Variants in MYOM2 observed in about 807,000 individuals in gnomAD.
The protein encoded by MYOM2 is myomesin-2.
MYOM2 carries 254 observed loss-of-function variants against 187.6 expected under a neutral mutation model. The observed-to-expected ratio is 1.35, with a 90% CI of 1.22 to 1.50. The LOEUF (loss-of-function observed/expected upper bound fraction) is 1.50. Ranked by LOEUF, MYOM2 falls within the 40% of genes most tolerant of loss-of-function variation. The pLI is 0.00. For synonymous variants in MYOM2, 981 were observed against 753.8 expected (o/e 1.30, Z -4.94); for missense variants, 2,796 against 1,924.0 (o/e 1.45, Z -8.48).
At chr8:2,134,897 T>G (rs73657747) in intron 32 of MYOM2, among the ~76,000 whole-genome samples, 19,773 of 152,040 alleles carry the variant, frequency 0.13, 2,185 homozygotes, top group African/African-American at 0.28. Context: ...TGGACAAAGG[T>G]TGGCATCAGA....
At chr8:2,060,355 C>T (rs920510088) in intron 6 of MYOM2, among the ~76,000 whole-genome samples, 1 of 152,088 alleles carries the variant, frequency 6.6e-6, no homozygotes, top group South Asian at 2.1e-4. Context: ...TTTATCTTCT[C>T]TATAGGACTA....
chr8:2,055,322 G>A (rs1234306424), intron 3 of MYOM2, among the ~76,000 whole-genome samples: 1 of 152,188 alleles, frequency 6.6e-6, no homozygotes, highest in Non-Finnish European at 1.5e-5. Flanking sequence ...GAGACCCACA[G>A]GGCTGTGATT....
At chr8:2,049,652 T>G (rs1818420300) in intron 1 of MYOM2, among the ~76,000 whole-genome samples, 1 of 152,186 alleles carries the variant, frequency 6.6e-6, no homozygotes, top group African/African-American at 2.4e-5. Flanking sequence ...TCCTCGTCAT[T>G]TAAACAGAAA....
chr8:2,117,484 T>C (rs1797287226), intron 27 of MYOM2, among the ~76,000 whole-genome samples: 1 of 152,234 alleles, frequency 6.6e-6, no homozygotes, highest in African/African-American at 2.4e-5. Context: ...TATTCTCTTA[T>C]TTAAAGGTAT....
intron 27 of MYOM2, 74 bp downstream of exon 27, chr8:2,116,349 C>A: frequency 1.4e-6 from 2 of 1,425,208 alleles, no homozygotes; most frequent in Non-Finnish European, 9.6e-7. Flanking sequence ...TTGTCAGAAG[C>A]AGATCTTGCA....
chr8:2,128,075 T>G, intron 31 of MYOM2, among the ~76,000 whole-genome samples: 1 of 152,288 alleles, frequency 6.6e-6, no homozygotes, highest in Admixed American at 6.5e-5. Flanking sequence ...AACATTCACT[T>G]TAAAAAATAA....
Position 2,085,481 on chromosome 8 carries a change from CCGCG to C in MYOM2, c.1644+92_1644+95del, listed in dbSNP as rs1563444227. 3.9e-4 allele frequency: 559 copies of C among 1,438,286 alleles called. 81 individuals are homozygous for C. Among genetic ancestry groups the C allele is most frequent in the South Asian group, 3.3e-3 (247 of 74,802 alleles). The allele number at this position is 1,438,286 out of a possible 1,614,324, so 89.1% of individuals were successfully genotyped here. ...GCGTGGCCCACCGCTGTCGTGATCT[CCGCG>C]TGGCCCCTCACTGTTGTGATCTCCG... On this transcript the variant is annotated intron_variant, in intron 14 of 36. Transcript: ENST00000262113.
intron 16 of MYOM2, 79 bp downstream of exon 16, chr8:2,092,599 G>A: frequency 6.8e-7 from 1 of 1,460,182 alleles, no homozygotes; most frequent in Non-Finnish European, 9.3e-7. Flanking sequence ...CCCTGGCACA[G>A]GGAGTACCAT....
chr8:2,141,771 G>T (rs1372880936), intron 34 of MYOM2, among the ~76,000 whole-genome samples: 1 of 152,142 alleles, frequency 6.6e-6, no homozygotes, highest in African/African-American at 2.4e-5. Context: ...GATGTTTTTG[G>T]GCTGGACTTA....
At chr8:2,071,658 G>A (rs930511058) in intron 8 of MYOM2, among the ~76,000 whole-genome samples, 1 of 152,174 alleles carries the variant, frequency 6.6e-6, no homozygotes, top group African/African-American at 2.4e-5. Flanking sequence ...TCGACTTTGT[G>A]ACATTTAATT....
intron 34 of MYOM2, among the ~76,000 whole-genome samples, chr8:2,141,759 C>T (rs950309389): frequency 6.6e-6 from 1 of 152,108 alleles, no homozygotes; most frequent in Non-Finnish European, 1.5e-5. Flanking sequence ...AGCCCTTAAG[C>T]TGATGTTTTT....
rs775590687 is a variant in MYOM2 at position 2,116,110 on chromosome 8, C to G, written c.3325+6C>G. ...TCTAGTTCTTATTGGAGATGGTATG[C>G]TATATCGAATATTTCCACGTCCATA... On this transcript the variant is annotated splice_donor_region_variant and intron_variant, in intron 26 of 36. Transcript: ENST00000262113. 8.3e-6 allele frequency: 13 copies of G among 1,570,882 alleles called. No individual in the cohort carries two copies. Among genetic ancestry groups the G allele is most frequent in the Non-Finnish European group, 1.0e-5 (12 of 1,167,694 alleles).
At chr8:2,137,377 CCTT>C (rs1475273192) in intron 32 of MYOM2, among the ~76,000 whole-genome samples, 1 of 151,824 alleles carries the variant, frequency 6.6e-6, no homozygotes, top group East Asian at 2.0e-4. Context: ...AAAATCGTCC[CCTT>C]CTTCGCAAGC....
intron 31 of MYOM2, among the ~76,000 whole-genome samples, chr8:2,126,791 G>A (rs1294167381): frequency 1.7e-5 from 1 of 58,612 alleles, no homozygotes; most frequent in Non-Finnish European, 4.6e-5. Context: ...GATGGAGGCT[G>A]GGGGAGCACT....
chr8:2,116,445 A>G (rs1052846059), intron 27 of MYOM2, among the ~76,000 whole-genome samples, 170 bp downstream of exon 27: 1 of 152,222 alleles, frequency 6.6e-6, no homozygotes, highest in Non-Finnish European at 1.5e-5. Context: ...GCTTTATAGC[A>G]GGGGAGTGAA....
Position 2,090,197 on chromosome 8 carries a change from C to T in MYOM2, c.1828+6C>T. ...TCAGGCCCAGGATGTGACCGGTGAG[C>T]TGTCACACTGGGTGGCCCCAAGTCA... On this transcript the variant is annotated splice_donor_region_variant and intron_variant, in intron 15 of 36. Coordinates refer to ENST00000262113, the MANE Select transcript of MYOM2 (RefSeq NM_003970.4). The T allele has an allele frequency of 6.2e-7, 1 of 1,609,606 alleles. No individual in the cohort carries two copies. The highest frequency in any genetic ancestry group is 2.2e-5 in the East Asian group (1 of 44,748).
rs1819789030 is a variant in MYOM2 at position 2,085,447 on chromosome 8, A to ATCTCTGTGTGGCCCACCGCTGTCG, written c.1644+58_1644+59insCTCTGTGTGGCCCACCGCTGTCGT. ...GATCTCTGCATGGCCCCCCACTGTC[A>ATCTCTGTGTGGCCCACCGCTGTCG]TGATCTCTGCGTGGCCCACCGCTGT... On this transcript the variant is annotated intron_variant, in intron 14 of 36. Transcript: ENST00000262113. The ATCTCTGTGTGGCCCACCGCTGTCG allele has an allele frequency of 1.0e-5, 14 of 1,342,778 alleles. No individual in the cohort carries two copies. The East Asian group carries it at 1.1e-4, about 11-fold the overall frequency. 83.2% of individuals were successfully genotyped at this position (1,342,778 alleles called of 1,614,324 possible).
intron 13 of MYOM2, 46 bp from the exon 14 acceptor site, chr8:2,085,217 G>T (rs1426023813): frequency 6.3e-7 from 1 of 1,599,002 alleles, no homozygotes; most frequent in Admixed American, 1.7e-5. Context: ...CTGCAGCGAG[G>T]CTGATGGGGG....
Position 2,116,045 on chromosome 8 carries a change from C to A in MYOM2, c.3266C>A (p.Thr1089Asn), listed in dbSNP as rs776180389. The A allele has an allele frequency of 3.1e-6, 5 of 1,614,096 alleles. No homozygotes were observed. In the South Asian group the frequency reaches 5.5e-5, roughly 18 times the overall value. Residue 1089 changes from threonine (T) to asparagine (N), a missense_variant, in exon 26 of 37, where the codon ACT (threonine) becomes AAT (asparagine). Transcript: ENST00000262113. ...RFSIENEGTY[T>N]VQIHDGKAKS... is the part of the protein sequence containing the mutation. Reference sequence around the variant, plus strand: ...AGTATTGAAAATGAGGGGACCTACACTGTGCAGATTCATGATGGGAAAGCC... The same window carrying A: ...AGTATTGAAAATGAGGGGACCTACAATGTGCAGATTCATGATGGGAAAGCC...
Sources: allele counts gnomAD v4.1 joint callset (sites outside exome capture counted in the v4.1 genomes callset), GRCh38; gene constraint gnomAD v4.1.1; transcripts MANE v1.5; gene names NCBI Gene and HGNC (gene_info 2026-07-23, HGNC 2026-07-21).